Variants in IMMT observed in about 807,000 individuals in gnomAD.
IMMT encodes the protein inner membrane mitochondrial protein, also known as MICOS complex subunit MIC60.
A neutral mutation model predicts 92.7 loss-of-function variants in IMMT; 40 were observed. That is an observed-to-expected ratio of 0.43 (90% CI 0.34 to 0.56). The LOEUF (loss-of-function observed/expected upper bound fraction) is 0.56, where lower values mean the gene tolerates loss of function less well. Ranked by LOEUF, IMMT falls within the 20% of genes least tolerant of loss-of-function variation. The pLI, the probability that IMMT is intolerant of heterozygous loss-of-function variation, is 0.03. For missense variants in IMMT, 831 were observed against 912.1 expected, an observed-to-expected ratio of 0.91 and a Z score of 1.14; for synonymous variants, 322 against 336.1, an observed-to-expected ratio of 0.96 and a Z score of 0.46.
chr2:86,177,631 G>T (rs865865402), intron 3 of IMMT, among the ~76,000 whole-genome samples: 4 of 151,970 alleles, frequency 2.6e-5, no homozygotes, highest in Non-Finnish European at 5.9e-5. Flanking sequence ...AAATTTTAAG[G>T]CTGGTGAGAA....
chr2:86,150,635 C>CT (rs1675398527), intron 12 of IMMT, among the ~76,000 whole-genome samples: 1 of 152,188 alleles, frequency 6.6e-6, no homozygotes, highest in African/African-American at 2.4e-5. Flanking sequence ...CCACCAACCA[C>CT]TTAACAACAA....
chr2:86,145,936 C>T, intron 14 of IMMT, 132 bp downstream of exon 14: 1 of 631,182 alleles, frequency 1.6e-6, no homozygotes, highest in Non-Finnish European at 2.4e-6. Context: ...ATGGCAAAAA[C>T]TGCAATTAAG....
In IMMT at chr2:86,170,911, T is replaced by TA; in HGVS notation, c.560-68dup. ...AGAATTTTAATAGCTAACAGGGATA[T>TA]AAAAAAAGCATCGTTTGTACTGGCC... On this transcript the variant is annotated intron_variant, in intron 5 of 14. Transcript: ENST00000410111. The TA allele has an allele frequency of 4.0e-6, 5 of 1,239,744 alleles. 1 individual carries two copies. Among genetic ancestry groups the TA allele is most frequent in the East Asian group, 5.1e-5 (2 of 39,532 alleles). The allele number at this position is 1,239,744 out of a possible 1,614,324, so 76.8% of individuals were successfully genotyped here.
rs182219702 is a variant in IMMT at position 86,160,927 on chromosome 2, C to T, written c.896+1049G>A. Among the ~76,000 whole-genome samples the T allele has an allele frequency of 3.9e-5, 6 of 152,248 alleles. No individual in the cohort carries two copies. The East Asian group carries it at 1.2e-3, about 29-fold the overall frequency. On this transcript the variant is annotated intron_variant, in intron 8 of 14. Transcript: ENST00000410111. ...ATCTAAGCAATAATCCAAAGCGAAACTGACTTTTATGTAAGATCCTTTATA... is the reference window on the plus strand; with the variant it reads ...ATCTAAGCAATAATCCAAAGCGAAATTGACTTTTATGTAAGATCCTTTATA...
Position 86,159,578 on chromosome 2 carries a change from T to A in IMMT, c.990A>T (p.Lys330Asn), listed in dbSNP as rs772951789. 1 of 1,609,888 alleles carries A rather than the reference T, an allele frequency of 6.2e-7. No individual in the cohort carries two copies. The highest frequency in any genetic ancestry group is 1.7e-5 in the Admixed American group (1 of 59,682). ...AKPHITAAEG[K>N]LHNMIVDLDN... ...CCAGATCAACTATCATGTTGTGAAG[T>A]TTACCCTCTGCAGCAGTTATATGAG... is the stretch of plus-strand genomic sequence containing the variant. The change falls in exon 9 of 15, where the codon AAA (lysine) becomes AAT (asparagine). Residue 330 changes from lysine to asparagine, a missense_variant. Transcript: ENST00000410111.
At chr2:86,187,535 A>G (rs755086587) in intron 1 of IMMT, among the ~76,000 whole-genome samples, 21 of 152,220 alleles carry the variant, frequency 1.4e-4, no homozygotes, top group Non-Finnish European at 2.6e-4. Context: ...ATGAATATTC[A>G]TCTAAAAGTT....
intron 8 of IMMT, 172 bp from the exon 9 acceptor site, chr2:86,159,843 C>T (rs1419849914): frequency 4.7e-6 from 2 of 428,182 alleles, no homozygotes; most frequent in Non-Finnish European, 8.0e-6. Context: ...CACTTGAGCC[C>T]AGGAGTTCAA....
chr2:86,161,868 G>C (rs1676302649), intron 8 of IMMT, 108 bp downstream of exon 8: 4 of 722,824 alleles, frequency 5.5e-6, no homozygotes, highest in Non-Finnish European at 9.6e-6. Context: ...AGTGAGAGAA[G>C]GGTTTCTCTA....
At position 86,192,400 on chromosome 2, in the gene IMMT, A is replaced by G. The variant is rs76647001; in HGVS notation, c.45+2938T>C. On this transcript the variant is annotated intron_variant, in intron 1 of 14. Transcript: ENST00000410111. Reference sequence around the variant, plus strand: ...AGGTGGGCATATCACTTGAGCCCAGAAGCTGAAGACCAGCCTGGGAAACAT... The same window carrying G: ...AGGTGGGCATATCACTTGAGCCCAGGAGCTGAAGACCAGCCTGGGAAACAT... 4.1e-3 allele frequency among the ~76,000 whole-genome samples: 631 copies of G among 152,222 alleles called. 19 individuals are homozygous for G. In the East Asian group the frequency reaches 0.089, roughly 22 times the overall value.
At chr2:86,179,095 A>G (rs1156987351) in intron 3 of IMMT, among the ~76,000 whole-genome samples, 1 of 152,178 alleles carries the variant, frequency 6.6e-6, no homozygotes, top group African/African-American at 2.4e-5. Flanking sequence ...AAACAAAAAC[A>G]AACTGCATCT....
intron 12 of IMMT, among the ~76,000 whole-genome samples, chr2:86,149,944 G>C (rs1675345725): frequency 6.6e-6 from 1 of 152,072 alleles, no homozygotes; most frequent in Non-Finnish European, 1.5e-5. Context: ...TGACAGCTTG[G>C]GCTAAGGTGG....
At chr2:86,154,588 CTT>C (rs956166829) in intron 10 of IMMT, among the ~76,000 whole-genome samples, 5 of 152,192 alleles carry the variant, frequency 3.3e-5, no homozygotes, top group Admixed American at 6.5e-5. Flanking sequence ...CCAGGCCTCT[CTT>C]AACATTTCAG....
At position 86,161,965 on chromosome 2, in the gene IMMT, T is replaced by G; in HGVS notation, c.896+11A>C. On this transcript the variant is annotated intron_variant, in intron 8 of 14. Transcript: ENST00000410111. ...GGCCCTAATTACTTGTTAAAGTCCATGAGTAATTACTTGGCTTTGAGAAGG... is the reference window on the plus strand; with the variant it reads ...GGCCCTAATTACTTGTTAAAGTCCAGGAGTAATTACTTGGCTTTGAGAAGG... The G allele has an allele frequency of 1.3e-6, 2 of 1,552,602 alleles. No individual in the cohort carries two copies. The highest frequency in any genetic ancestry group is 8.8e-7 in the Non-Finnish European group (1 of 1,137,470).
rs540613367 is a variant in IMMT at position 86,164,052 on chromosome 2, A to ATTTTTTTT, written c.793-1981_793-1974dup. 4.8e-3 allele frequency among the ~76,000 whole-genome samples: 302 copies of ATTTTTTTT among 63,048 alleles called. 14 individuals are homozygous for ATTTTTTTT. Among genetic ancestry groups the ATTTTTTTT allele is most frequent in the African/African-American group, 6.3e-3 (113 of 17,998 alleles). 41.4% of individuals were successfully genotyped at this position (63,048 alleles called of 152,430 possible). ...GTTTCAGTGAATTCCCACTTTAGTC[A>ATTTTTTTT]TTTTTTTTTTTTTTTTTTTTTTGAG... On this transcript the variant is annotated intron_variant, in intron 7 of 14. Coordinates refer to ENST00000410111, the MANE Select transcript of IMMT (RefSeq NM_006839.3).
chr2:86,184,943 C>T (rs968850020), intron 1 of IMMT, among the ~76,000 whole-genome samples: 1 of 152,146 alleles, frequency 6.6e-6, no homozygotes, highest in Non-Finnish European at 1.5e-5. Context: ...AATCCCAGCA[C>T]TTTGGGAGGC....
At position 86,144,278 on chromosome 2, in the gene IMMT, T is replaced by G; in HGVS notation, c.2267A>C (p.Gln756Pro). 1.2e-6 allele frequency: 2 copies of G among 1,613,754 alleles called. No individual in the cohort carries two copies. The highest frequency in any genetic ancestry group is 1.7e-6 in the Non-Finnish European group (2 of 1,179,678). Residue 756 changes from glutamine to proline, a missense_variant, in exon 15 of 15, where the codon CAG becomes CCG. Gln to Pro is a moderately conservative substitution (Grantham distance 76). Transcript: ENST00000410111. ...AAATCTTCCTAAACCTCACTCTGGC[T>G]GCACCTGAGTGGTTCCTATTCCTAC... is the stretch of plus-strand genomic sequence containing the variant. ...SAVGIGTTQV[Q>P]PE
rs1677251282 is a variant in IMMT, at chr2:86,173,699, A to G, written c.372T>C (p.Pro124=). ...CCTTTTGTTTTTGGAGTTGTGAGGC[A>G]GGCTGTTTAGATTCTTTCATTACTT... The part of the protein sequence containing the change: ...VSEVMKESKQ[P]ASQLQKQKGD... The change falls in exon 4 of 15, where the codon CCT becomes CCC. Residue 124 remains proline (P), a synonymous_variant. Coordinates refer to ENST00000410111, the MANE Select transcript of IMMT (RefSeq NM_006839.3). 6.2e-7 allele frequency: 1 copy of G among 1,609,074 alleles called. No homozygotes were observed. Among genetic ancestry groups the G allele is most frequent in the East Asian group, 2.2e-5 (1 of 44,806 alleles).
intron 12 of IMMT, among the ~76,000 whole-genome samples, chr2:86,148,186 GTAAC>G (rs1313316238): frequency 2.6e-5 from 4 of 152,332 alleles, no homozygotes; most frequent in African/African-American, 7.2e-5. Context: ...ATGAAAAAAA[GTAAC>G]TATATACTTG....
At chr2:86,155,328 A>G (rs1015471612) in intron 10 of IMMT, among the ~76,000 whole-genome samples, 1 of 152,112 alleles carries the variant, frequency 6.6e-6, no homozygotes, top group Non-Finnish European at 1.5e-5. Context: ...TCCTCTTCTC[A>G]AAAGGCCAAA....
Sources: allele counts gnomAD v4.1 joint callset (sites outside exome capture counted in the v4.1 genomes callset), GRCh38; gene constraint gnomAD v4.1.1; transcripts MANE v1.5; gene names NCBI Gene and HGNC (gene_info 2026-07-23, HGNC 2026-07-21).